Variants in PCDHGA7 observed in about 807,000 individuals in gnomAD.
PCDHGA7 encodes protocadherin gamma-A7.
In PCDHGA7, 44 loss-of-function variants were observed where a neutral mutation model predicts 58.3. The observed-to-expected ratio is 0.75, with a 90% CI of 0.59 to 0.97. PCDHGA7 has a LOEUF of 0.97. Among genes scored for constraint, PCDHGA7 ranks in the 50% least tolerant of loss-of-function variants. The pLI is 0.00. For missense variants in PCDHGA7, 1,266 were observed against 1,188.7 expected (o/e 1.06, Z -0.96); for synonymous variants, 516 against 504.2 (o/e 1.02, Z -0.31).
chr5:141,388,254 G>A, intron 1 of PCDHGA7: 2 of 1,568,962 alleles, frequency 1.3e-6, no homozygotes, highest in South Asian at 1.1e-5. Context: ...TGTGGAGATC[G>A]AGGACATTAA....
Position 141,487,315 on chromosome 5 carries a change from G to T in PCDHGA7, c.2425-7492G>T, listed in dbSNP as rs568326280. 11 of 1,614,166 alleles carry T rather than the reference G, an allele frequency of 6.8e-6. No individual in the cohort carries two copies. In the South Asian group the frequency reaches 1.2e-4, roughly 18 times the overall value. ...GCTCATTCGTGGCACTACTCTCTAA[G>T]TGTCTTCGTGGGGCAGCCTGTGGAG... On this transcript the variant is annotated intron_variant, in intron 1 of 3. Transcript: ENST00000518325. The surrounding 1 kb of genome is among the most constrained non-coding windows in gnomAD (Gnocchi z 5.0).
At position 141,395,545 on chromosome 5, in the gene PCDHGA7, TGTG is replaced by T. The variant is rs1561655187; in HGVS notation, c.2424+10223_2424+10225del. The T allele has an allele frequency of 2.9e-4, 51 of 177,126 alleles. 1 individual carries two copies. The highest frequency in any genetic ancestry group is 1.2e-3 in the African/African-American group (46 of 38,988). 11.0% of individuals were successfully genotyped at this position (177,126 alleles called of 1,614,324 possible). A position where few individuals can be genotyped will look rare whatever the true frequency, so the allele number is the denominator to read the frequency against. ...ATACTGGTAATTTTGCTATTGTTTG[TGTG>T]TGTGTGTGTGTGTGTGTGTGTGTGT... is the stretch of plus-strand genomic sequence containing the variant. On this transcript the variant is annotated intron_variant, in intron 1 of 3. Coordinates refer to ENST00000518325, the MANE Select transcript of PCDHGA7 (RefSeq NM_018920.4).
At chr5:141,466,765 G>A (rs1199343616) in intron 1 of PCDHGA7, among the ~76,000 whole-genome samples, 1 of 151,996 alleles carries the variant, frequency 6.6e-6, no homozygotes, top group African/African-American at 2.4e-5. Context: ...TTTTCAAACT[G>A]TTATCTTATT....
intron 1 of PCDHGA7, chr5:141,418,919 G>C: frequency 6.2e-7 from 1 of 1,614,016 alleles, no homozygotes. Flanking sequence ...GTCACTCTCT[G>C]ATCAGATTAT....
intron 1 of PCDHGA7, chr5:141,427,525 CG>C (rs996050026): frequency 4.9e-6 from 3 of 612,098 alleles, no homozygotes; most frequent in Non-Finnish European, 9.2e-6. Flanking sequence ...GAGCGGATCC[CG>C]GAGTACAACG....
chr5:141,389,899 A>G (rs1328617262), intron 1 of PCDHGA7: 1 of 1,614,032 alleles, frequency 6.2e-7, no homozygotes, highest in South Asian at 1.1e-5. Flanking sequence ...GTGCTGCCGG[A>G]TATCACTGAC....
Position 141,485,331 on chromosome 5 carries a change from T to C in PCDHGA7, c.2425-9476T>C, listed in dbSNP as rs1203054851. On this transcript the variant is annotated intron_variant, in intron 1 of 3. Transcript: ENST00000518325. This position sits in a 1 kb window ranked among gnomAD's most constrained non-coding sequence, Gnocchi z 5.7. Reference sequence around the variant, plus strand: ...GTAGGGAATGTCGCTCAAGATTTCCTGCTGGATACGGACAGTCTGTCAGCT... The same window carrying C: ...GTAGGGAATGTCGCTCAAGATTTCCCGCTGGATACGGACAGTCTGTCAGCT... 6.2e-7 allele frequency: 1 copy of C among 1,614,048 alleles called. No individual in the cohort carries two copies. Among genetic ancestry groups the C allele is most frequent in the African/African-American group, 1.3e-5 (1 of 74,902 alleles).
At chr5:141,460,981 GTGTA>G (rs1315974712) in intron 1 of PCDHGA7, among the ~76,000 whole-genome samples, 3 of 121,894 alleles carry the variant, frequency 2.5e-5, no homozygotes, top group Non-Finnish European at 5.1e-5. Context: ...GTGTGTGTGT[GTGTA>G]TATATATATA....
intron 1 of PCDHGA7, chr5:141,416,359 A>G (rs1215806118): frequency 6.6e-6 from 1 of 152,228 alleles, no homozygotes; most frequent in Non-Finnish European, 1.5e-5. Flanking sequence ...TGAGGAGGCT[A>G]TAGAGGGTGA....
intron 1 of PCDHGA7, among the ~76,000 whole-genome samples, chr5:141,447,375 T>C (rs1431576261): frequency 6.6e-6 from 1 of 152,030 alleles, no homozygotes; most frequent in African/African-American, 2.4e-5. Context: ...CTGACCCTGG[T>C]GATCTGCCCA....
At chr5:141,460,616 TAGAC>T (rs533223594) in intron 1 of PCDHGA7, among the ~76,000 whole-genome samples, 44 of 152,232 alleles carry the variant, frequency 2.9e-4, no homozygotes, top group Middle Eastern at 3.4e-3. Context: ...GATGGATAGA[TAGAC>T]AGATACAGAT....
rs1248714579 is a variant in PCDHGA7 at position 141,489,513 on chromosome 5, C to A, written c.2425-5294C>A. The A allele has an allele frequency of 6.2e-7, 1 of 1,614,000 alleles. No homozygotes were observed. Among genetic ancestry groups the A allele is most frequent in the African/African-American group, 1.3e-5 (1 of 74,918 alleles). ...CCCTGGCAGTGAATCAAAAGATTGACCGAGAAAGCCTATGTGGAGCCAGCA... is the reference window on the plus strand; with the variant it reads ...CCCTGGCAGTGAATCAAAAGATTGAACGAGAAAGCCTATGTGGAGCCAGCA... On this transcript the variant is annotated intron_variant, in intron 1 of 3. Coordinates refer to ENST00000518325, the MANE Select transcript of PCDHGA7 (RefSeq NM_018920.4). The surrounding 1 kb of genome is among the most constrained non-coding windows in gnomAD (Gnocchi z 4.5).
Position 141,413,600 on chromosome 5 carries a change from T to A in PCDHGA7, c.2424+28277T>A, listed in dbSNP as rs767830855. ...GCTCCAAAATTCCAAGCAGAAAATC[T>A]AGACGTAAAAATTAATGAAAATGTC... On this transcript the variant is annotated intron_variant, in intron 1 of 3. Transcript: ENST00000518325. 2.4e-5 allele frequency: 39 copies of A among 1,613,750 alleles called. No homozygotes were observed. Among genetic ancestry groups the A allele is most frequent in the Non-Finnish European group, 3.3e-5 (39 of 1,179,908 alleles).
intron 1 of PCDHGA7, among the ~76,000 whole-genome samples, chr5:141,449,974 A>T (rs2098661108): frequency 6.6e-6 from 1 of 151,260 alleles, no homozygotes; most frequent in African/African-American, 2.4e-5. Context: ...TTTAGTCCAA[A>T]ATATCACACA....
intron 2 of PCDHGA7, among the ~76,000 whole-genome samples, chr5:141,496,230 C>T (rs1336418553): frequency 2.6e-5 from 4 of 152,160 alleles, no homozygotes; most frequent in Admixed American, 2.0e-4. Flanking sequence ...AGACAGGAAC[C>T]CCCTGCGGGC....
At chr5:141,494,972 C>A in intron 2 of PCDHGA7, 107 bp downstream of exon 2, 1 of 1,581,852 alleles carries the variant, frequency 6.3e-7, no homozygotes, top group South Asian at 1.1e-5. Flanking sequence ...TGGCTTCTCC[C>A]TCAGTTTGAG....
chr5:141,446,639 G>C (rs1461520959), intron 1 of PCDHGA7, among the ~76,000 whole-genome samples: 1 of 152,116 alleles, frequency 6.6e-6, no homozygotes, highest in Non-Finnish European at 1.5e-5. Context: ...ACCACGCCTG[G>C]CTAATTTTTG....
At position 141,490,357 on chromosome 5, in the gene PCDHGA7, A is replaced by G; in HGVS notation, c.2425-4450A>G. ...AGTGGGCACAGTAGTGGGGTTGTTT[A>G]ATGTGCGAGACCGGGACTCAGGTAG... On this transcript the variant is annotated intron_variant, in intron 1 of 3. Transcript: ENST00000518325. This position sits in a 1 kb window ranked among gnomAD's most constrained non-coding sequence, Gnocchi z 5.4. The G allele has an allele frequency of 6.2e-7, 1 of 1,614,178 alleles. No individual in the cohort carries two copies. The highest frequency in any genetic ancestry group is 8.5e-7 in the Non-Finnish European group (1 of 1,180,030).
intron 1 of PCDHGA7, chr5:141,387,791 A>G: frequency 4.0e-6 from 6 of 1,492,120 alleles, no homozygotes; most frequent in Non-Finnish European, 4.5e-6. Flanking sequence ...AACTGCAACT[A>G]AAGTCCGTTC....
Sources: gnomAD v4.1 joint callset for allele counts (sites outside exome capture counted in the v4.1 genomes callset) on GRCh38, gnomAD v4.1.1 for gene constraint, Gnocchi (gnomAD v3.1) non-coding constraint, MANE v1.5 for transcripts, NCBI Gene and HGNC (gene_info 2026-07-23, HGNC 2026-07-21) for gene names.